The following UBE2Q2 variants were observed in gnomAD, a reference collection of about 807,000 sequenced individuals.
The protein encoded by UBE2Q2 is ubiquitin-conjugating enzyme E2 Q2.
A neutral mutation model predicts 59.9 loss-of-function variants in UBE2Q2; 54 were observed. The observed-to-expected ratio is 0.90, with a 90% CI of 0.72 to 1.13. UBE2Q2 has a LOEUF of 1.13. UBE2Q2 is among the 50% of genes most tolerant of loss of function. UBE2Q2 has a pLI of 0.00. For missense variants in UBE2Q2, 433 were observed against 441.9 expected (o/e 0.98, Z 0.18); for synonymous variants, 165 against 155.2 (o/e 1.06, Z -0.47).
chr15:75,883,173 G>A (rs1188242813), intron 8 of UBE2Q2, among the ~76,000 whole-genome samples, 193 bp from the exon 9 acceptor site: 1 of 151,982 alleles, frequency 6.6e-6, no homozygotes, highest in East Asian at 1.9e-4. Flanking sequence ...ATGCTGTTCT[G>A]TTTGGGCCTG....
Position 75,894,412 on chromosome 15 carries a change from C to A in UBE2Q2, c.1030-2583C>A, listed in dbSNP as rs372966764. On this transcript the variant is annotated intron_variant, in intron 11 of 12. Transcript: ENST00000267938. ...GTGAAACCAATCTCTGTAAAAAAAA[C>A]AAAACAAAACAAAACATGAAAATTA... 9.9e-5 allele frequency among the ~76,000 whole-genome samples: 15 copies of A among 151,830 alleles called. 1 individual carries two copies. Among genetic ancestry groups the A allele is most frequent in the African/African-American group, 2.7e-4 (11 of 41,362 alleles).
At chr15:75,865,736 A>C (rs1471353399) in intron 3 of UBE2Q2, among the ~76,000 whole-genome samples, 1 of 150,566 alleles carries the variant, frequency 6.6e-6, no homozygotes, top group African/African-American at 2.4e-5. Context: ...TTTGCTTCTT[A>C]TTGCTGCTCC....
chr15:75,859,824 T>A, intron 2 of UBE2Q2, 54 bp from the exon 3 acceptor site: 1 of 1,284,886 alleles, frequency 7.8e-7, no homozygotes, highest in Non-Finnish European at 1.1e-6. Context: ...ACATTATTGA[T>A]GTCTTCTAAG....
chr15:75,867,347 A>G (rs1371311926), intron 3 of UBE2Q2, among the ~76,000 whole-genome samples: 1 of 152,184 alleles, frequency 6.6e-6, no homozygotes, highest in East Asian at 1.9e-4. Context: ...GATTCTTCTG[A>G]AAAAAAGTGG....
At chr15:75,869,054 T>G in intron 4 of UBE2Q2, 44 bp downstream of exon 4, 2 of 1,505,042 alleles carry the variant, frequency 1.3e-6, no homozygotes, top group Non-Finnish European at 9.1e-7. Context: ...TTTCTTCATT[T>G]TTGAACATTT....
intron 3 of UBE2Q2, 113 bp downstream of exon 3, chr15:75,860,095 T>A: frequency 1.3e-6 from 1 of 769,062 alleles, no homozygotes; most frequent in Non-Finnish European, 2.1e-6. Flanking sequence ...TAGTTTCATT[T>A]TTGTTCCTAT....
intron 2 of UBE2Q2, among the ~76,000 whole-genome samples, chr15:75,855,217 G>A (rs529691949): frequency 3.9e-5 from 6 of 152,308 alleles, no homozygotes; most frequent in Admixed American, 2.6e-4. Context: ...CTGGCCAGGT[G>A]TGGTGGCTCA....
At chr15:75,878,144 C>T (rs2141632413) in intron 7 of UBE2Q2, 123 bp downstream of exon 7, 3 of 737,562 alleles carry the variant, frequency 4.1e-6, no homozygotes, top group Non-Finnish European at 6.4e-6. Flanking sequence ...GACTTTGTTT[C>T]TATAGAAATA....
intron 8 of UBE2Q2, 53 bp from the exon 9 acceptor site, chr15:75,883,313 A>C: frequency 1.4e-6 from 2 of 1,464,684 alleles, no homozygotes; most frequent in Non-Finnish European, 1.9e-6. Context: ...TCTAAATAGT[A>C]TAACACTAAG....
chr15:75,871,680 A>G (rs1012561055), intron 4 of UBE2Q2, among the ~76,000 whole-genome samples: 1 of 152,192 alleles, frequency 6.6e-6, no homozygotes, highest in Non-Finnish European at 1.5e-5. Context: ...TTCAGAGAGC[A>G]TGGGGTTGGG....
At position 75,848,105 on chromosome 15, in the gene UBE2Q2, T is replaced by C. The variant is rs193102995; in HGVS notation, c.180+4259T>C. ...AGTCACTTCTTTTACTGTGTTTCTGTGTACTATAGATAATATTTTTTTGCA... is the reference window on the plus strand; with the variant it reads ...AGTCACTTCTTTTACTGTGTTTCTGCGTACTATAGATAATATTTTTTTGCA... On this transcript the variant is annotated intron_variant, in intron 1 of 12. Coordinates refer to ENST00000267938, the MANE Select transcript of UBE2Q2 (RefSeq NM_173469.4). Among the ~76,000 whole-genome samples, 103 of 152,304 alleles carry C rather than the reference T, an allele frequency of 6.8e-4. 1 individual carries two copies. Among genetic ancestry groups the C allele is most frequent in the Non-Finnish European group, 5.9e-4 (40 of 68,014 alleles).
chr15:75,859,437 G>T (rs182300840), intron 2 of UBE2Q2, among the ~76,000 whole-genome samples: 34 of 152,082 alleles, frequency 2.2e-4, no homozygotes, highest in African/African-American at 7.7e-4. Context: ...AAATGAATAT[G>T]ACTGGAATAT....
chr15:75,844,530 G>A (rs1239636752), intron 1 of UBE2Q2: 13 of 1,543,388 alleles, frequency 8.4e-6, no homozygotes, highest in Non-Finnish European at 1.1e-5. Flanking sequence ...TTGTGTGTAA[G>A]CCTCGAAAAT....
chr15:75,859,944 G>A lies in UBE2Q2; in HGVS notation c.349G>A (p.Asp117Asn), dbSNP rs1897125208. The change falls in exon 3 of 13, where the codon GAT becomes AAT. Residue 117 changes from aspartate (D) to asparagine (N), a missense_variant. Coordinates refer to ENST00000267938, the MANE Select transcript of UBE2Q2 (RefSeq NM_173469.4). ...CSLYNLPKHL[D>N]VEMLDQPLPT... ...TTTATATAACCTTCCTAAGCACCTG[G>A]ATGTTGAGATGCTAGATCAACCACT... 2 of 1,603,948 alleles carry A rather than the reference G, an allele frequency of 1.2e-6. No homozygotes were observed. Among genetic ancestry groups the A allele is most frequent in the Non-Finnish European group, 1.7e-6 (2 of 1,176,968 alleles).
chr15:75,862,733 T>G (rs1037015116), intron 3 of UBE2Q2, among the ~76,000 whole-genome samples: 1 of 150,086 alleles, frequency 6.7e-6, no homozygotes, highest in Non-Finnish European at 1.5e-5. Flanking sequence ...GAGGATCAGT[T>G]GAGCCTATGA....
intron 7 of UBE2Q2, among the ~76,000 whole-genome samples, chr15:75,878,842 G>A (rs1005980213): frequency 2.0e-5 from 3 of 151,778 alleles, no homozygotes; most frequent in Non-Finnish European, 2.9e-5. Context: ...CCTTTAGAGT[G>A]ACTGCAAACT....
At chr15:75,845,532 TAGG>T (rs1198087731) in intron 1 of UBE2Q2, among the ~76,000 whole-genome samples, 1 of 152,154 alleles carries the variant, frequency 6.6e-6, no homozygotes, top group Non-Finnish European at 1.5e-5. Flanking sequence ...GTTTGAATGA[TAGG>T]AGACTGAATT....
At chr15:75,886,647 G>A (rs1259696238) in intron 9 of UBE2Q2, among the ~76,000 whole-genome samples, 3 of 151,880 alleles carry the variant, frequency 2.0e-5, no homozygotes, top group Admixed American at 1.3e-4. Flanking sequence ...CAGCACTTTC[G>A]GAGGCCAAGG....
intron 4 of UBE2Q2, among the ~76,000 whole-genome samples, chr15:75,873,080 T>C (rs1897882471): frequency 6.6e-6 from 1 of 152,238 alleles, no homozygotes; most frequent in Non-Finnish European, 1.5e-5. Context: ...GAAGTTGAGT[T>C]TCTGGAACAA....
Sources: allele counts gnomAD v4.1 joint callset (sites outside exome capture counted in the v4.1 genomes callset), GRCh38; gene constraint gnomAD v4.1.1; transcripts MANE v1.5; gene names NCBI Gene and HGNC (gene_info 2026-07-23, HGNC 2026-07-21).